Variants in EYS observed in about 807,000 individuals in gnomAD.
EYS encodes the protein EGF-like photoreceptor maintenance factor, also known as protein eyes shut homolog.
A neutral mutation model predicts 282.1 loss-of-function variants in EYS; 250 were observed. The observed-to-expected ratio is 0.89, with a 90% CI of 0.80 to 0.98. EYS has a LOEUF of 0.98. Among genes scored for constraint, EYS ranks in the 50% least tolerant of loss-of-function variants. EYS has a pLI of 0.00. For synonymous variants in EYS, 1,355 were observed against 1,282.9 expected, an observed-to-expected ratio of 1.06 and a Z score of -1.20; for missense variants, 4,016 against 3,709.0, an observed-to-expected ratio of 1.08 and a Z score of -2.15.
chr6:65,242,726 A>G (rs1293914222), intron 12 of EYS, among the ~76,000 whole-genome samples: 1 of 152,142 alleles, frequency 6.6e-6, no homozygotes, highest in South Asian at 2.1e-4. Context: ...ATGATTTTAC[A>G]TTTTCACTAG....
chr6:65,456,928 A>G (rs1764640065), intron 5 of EYS, among the ~76,000 whole-genome samples: 1 of 152,172 alleles, frequency 6.6e-6, no homozygotes, highest in African/African-American at 2.4e-5. Context: ...TTCTGACTTC[A>G]AAACTGTTGA....
intron 22 of EYS, among the ~76,000 whole-genome samples, chr6:64,795,235 C>CA (rs112160251): frequency 0.08 from 10,931 of 136,636 alleles, 476 homozygotes; most frequent in East Asian, 0.23. Flanking sequence ...AACTCCGTCT[C>CA]AAAAAAAAAA....
intron 31 of EYS, among the ~76,000 whole-genome samples, chr6:64,115,551 A>G (rs1331891069): frequency 1.3e-5 from 2 of 152,214 alleles, no homozygotes; most frequent in Non-Finnish European, 2.9e-5. Context: ...TAGTTTTAGC[A>G]GCTGAGGATC....
intron 33 of EYS, among the ~76,000 whole-genome samples, chr6:64,059,093 A>AT (rs1213820173): frequency 6.6e-6 from 1 of 152,130 alleles, no homozygotes; most frequent in Non-Finnish European, 1.5e-5. Context: ...TGAGCATGTT[A>AT]TTATCTACAC....
chr6:65,016,718 T>C (rs996431210), intron 13 of EYS, among the ~76,000 whole-genome samples: 12 of 152,282 alleles, frequency 7.9e-5, no homozygotes, highest in African/African-American at 2.9e-4. Flanking sequence ...ATTCTGTTTC[T>C]GCAGTAATAT....
chr6:65,105,509 A>C (rs1184427333), intron 12 of EYS, among the ~76,000 whole-genome samples: 1 of 151,926 alleles, frequency 6.6e-6, no homozygotes, highest in African/African-American at 2.4e-5. Context: ...TTTTTATTTA[A>C]GTATTTCTTC....
At chr6:65,621,489 G>A (rs1272371562) in intron 2 of EYS, among the ~76,000 whole-genome samples, 62 of 146,852 alleles carry the variant, frequency 4.2e-4, no homozygotes, top group Non-Finnish European at 5.0e-4. Flanking sequence ...CACACTGATG[G>A]GTCTTGACTC....
chr6:64,278,717 A>ACTCTCTCTCTCTCTCTCTCT (rs113366162), intron 30 of EYS, among the ~76,000 whole-genome samples: 1 of 142,054 alleles, frequency 7.0e-6, no homozygotes, highest in African/African-American at 2.6e-5. Flanking sequence ...TCAGCCAAAA[A>ACTCTCTCTCTCTCTCTCTCT]CTCTCTCTCT....
chr6:65,661,676 T>C (rs889716382), intron 1 of EYS, among the ~76,000 whole-genome samples: 4 of 152,088 alleles, frequency 2.6e-5, no homozygotes, highest in Non-Finnish European at 5.9e-5. Context: ...AGGCAAATTC[T>C]ACCTGGAACT....
chr6:63,808,233 T>C (rs566773211), intron 36 of EYS, among the ~76,000 whole-genome samples: 69 of 152,334 alleles, frequency 4.5e-4, no homozygotes, highest in Non-Finnish European at 8.1e-4. Flanking sequence ...AGAAACAGCA[T>C]GTTCTAGGGT....
intron 35 of EYS, among the ~76,000 whole-genome samples, chr6:63,968,938 G>A (rs780427185): frequency 1.1e-4 from 16 of 152,148 alleles, no homozygotes; most frequent in Non-Finnish European, 1.9e-4. Context: ...TACACAAAGC[G>A]TACTTGTGGT....
chr6:65,023,341 A>G (rs1184060701), intron 13 of EYS, among the ~76,000 whole-genome samples: 1 of 152,158 alleles, frequency 6.6e-6, no homozygotes, highest in Non-Finnish European at 1.5e-5. Context: ...ATCCAATTGA[A>G]TTTCCAAATG....
intron 26 of EYS, among the ~76,000 whole-genome samples, chr6:64,451,553 C>CA (rs1431010349): frequency 1.3e-5 from 2 of 151,942 alleles, no homozygotes; most frequent in Admixed American, 1.3e-4. Flanking sequence ...AAAGACACAA[C>CA]AAAAAAAGAG....
At chr6:65,403,010 G>T (rs1216399244) in intron 6 of EYS, among the ~76,000 whole-genome samples, 1 of 151,954 alleles carries the variant, frequency 6.6e-6, no homozygotes, top group African/African-American at 2.4e-5. Flanking sequence ...TGGCTAATAG[G>T]CCCAGTTCTG....
chr6:64,150,582 C>T lies in EYS; in HGVS notation c.6425-68580G>A, dbSNP rs184327120. ...AAATTTCCTTTTTCAGATTTGATTACTTAAAAAGTGAAAATTTTTATATCA... is the reference window on the plus strand; with the variant it reads ...AAATTTCCTTTTTCAGATTTGATTATTTAAAAAGTGAAAATTTTTATATCA... On this transcript the variant is annotated intron_variant, in intron 31 of 42. Transcript: ENST00000503581. Among the ~76,000 whole-genome samples, 985 of 152,170 alleles carry T rather than the reference C, an allele frequency of 6.5e-3. 17 individuals are homozygous for T. Among genetic ancestry groups the T allele is most frequent in the South Asian group, 0.062 (301 of 4,818 alleles).
intron 32 of EYS, 26 bp downstream of exon 32, chr6:64,081,830 C>T: frequency 7.0e-7 from 1 of 1,435,892 alleles, no homozygotes; most frequent in Non-Finnish European, 9.4e-7. Flanking sequence ...ACATGACATA[C>T]AAGAAGTCAA....
chr6:64,803,005 G>A (rs1764303129), intron 22 of EYS, among the ~76,000 whole-genome samples: 2 of 152,198 alleles, frequency 1.3e-5, no homozygotes, highest in Non-Finnish European at 2.9e-5. Flanking sequence ...GGTTACAACT[G>A]GACCAGAGGT....
At chr6:65,440,888 T>C in intron 5 of EYS, among the ~76,000 whole-genome samples, 1 of 147,310 alleles carries the variant, frequency 6.8e-6, no homozygotes. Flanking sequence ...TTATATTATA[T>C]ATGTTTATGT....
At chr6:65,699,988 G>A (rs9453368) in intron 1 of EYS, among the ~76,000 whole-genome samples, 5 of 150,896 alleles carry the variant, frequency 3.3e-5, no homozygotes, top group East Asian at 2.0e-4. Flanking sequence ...GGTGGCGGGC[G>A]CCTGTAGTCC....
Sources: gnomAD v4.1 joint callset for allele counts (sites outside exome capture counted in the v4.1 genomes callset) on GRCh38, gnomAD v4.1.1 for gene constraint, MANE v1.5 for transcripts, NCBI Gene and HGNC (gene_info 2026-07-23, HGNC 2026-07-21) for gene names.